Variants in PRKAG2 observed in about 807,000 individuals in gnomAD.
PRKAG2 encodes protein kinase AMP-activated non-catalytic subunit gamma 2.
PRKAG2 carries 26 observed loss-of-function variants against 69.6 expected under a neutral mutation model. The observed-to-expected ratio is 0.37, with a 90% CI of 0.27 to 0.52. The LOEUF (loss-of-function observed/expected upper bound fraction) is 0.52, where lower values mean the gene tolerates loss of function less well. Among genes scored for constraint, PRKAG2 ranks in the 20% least tolerant of loss-of-function variants. The probability of loss-of-function intolerance (pLI) is 0.90; values close to 1 mark genes in which losing one functional copy is unlikely to be tolerated. For synonymous variants in PRKAG2, 293 were observed against 285.0 expected (o/e 1.03, Z -0.28); for missense variants, 557 against 740.0 (o/e 0.75, Z 2.87).
chr7:151,572,633 T>C lies in PRKAG2; in HGVS notation c.1051+31A>G, dbSNP rs768693350. 2.0e-6 allele frequency: 3 copies of C among 1,537,114 alleles called. No homozygotes were observed. The South Asian group carries it at 3.4e-5, about 18-fold the overall frequency. ...ATACTAAACATAGCTTTCCCGATAC[T>C]AAAAGATTTTAAACATCCAATAGTG... On this transcript the variant is annotated intron_variant, in intron 9 of 15. Coordinates refer to ENST00000287878, the MANE Select transcript of PRKAG2 (RefSeq NM_016203.4).
intron 5 of PRKAG2, among the ~76,000 whole-genome samples, chr7:151,619,898 G>A (rs1401722776): frequency 6.6e-6 from 1 of 152,158 alleles, no homozygotes; most frequent in Non-Finnish European, 1.5e-5. Context: ...GCGCATGCCT[G>A]TAATCCCAGC....
Position 151,632,342 on chromosome 7 carries a change from T to C in PRKAG2, c.685-204A>G, listed in dbSNP as rs868349563. The C allele has an allele frequency of 1.7e-4, 109 of 627,482 alleles. No individual in the cohort carries two copies. Among genetic ancestry groups the C allele is most frequent in the Middle Eastern group, 7.8e-4 (1 of 1,274 alleles). The allele number at this position is 627,482 out of a possible 1,614,324, so 38.9% of individuals were successfully genotyped here. ...CCGAGGCCGCCGCCGCCGCCGCAGG[T>C]GGCGCGGCCGCGGCCCGCGTGCCCC... On this transcript the variant is annotated intron_variant, in intron 4 of 15. Coordinates refer to ENST00000287878, the MANE Select transcript of PRKAG2 (RefSeq NM_016203.4). The surrounding 1 kb of genome is among the most constrained non-coding windows in gnomAD (Gnocchi z 4.2).
At chr7:151,664,799 C>T (rs1008452859) in intron 4 of PRKAG2, among the ~76,000 whole-genome samples, 1 of 152,186 alleles carries the variant, frequency 6.6e-6, no homozygotes, top group African/African-American at 2.4e-5. Flanking sequence ...TCTACAACAC[C>T]AATATTTGAG....
intron 3 of PRKAG2, among the ~76,000 whole-genome samples, chr7:151,687,298 T>C (rs766778119): frequency 4.0e-5 from 6 of 150,588 alleles, no homozygotes; most frequent in African/African-American, 7.3e-5. Context: ...CAACAGCAGA[T>C]ATGCATCTTG....
rs1355667699 is a variant in PRKAG2, at chr7:151,780,894, G to A, written c.466+258C>T. Among the ~76,000 whole-genome samples the A allele has an allele frequency of 2.0e-5, 3 of 152,214 alleles. No individual in the cohort carries two copies. The highest frequency in any genetic ancestry group is 4.4e-5 in the Non-Finnish European group (3 of 68,044). On this transcript the variant is annotated intron_variant, in intron 3 of 15. Coordinates refer to ENST00000287878, the MANE Select transcript of PRKAG2 (RefSeq NM_016203.4). The surrounding 1 kb of genome is among the most constrained non-coding windows in gnomAD (Gnocchi z 4.2). Reference sequence around the variant, plus strand: ...TACTGTGAGTATCAGGATGTTTACAGTTAACCCAAGGACCTTGCTGGACCA... The same window carrying A: ...TACTGTGAGTATCAGGATGTTTACAATTAACCCAAGGACCTTGCTGGACCA...
At chr7:151,626,736 C>G (rs1330143850) in intron 5 of PRKAG2, among the ~76,000 whole-genome samples, 1 of 147,874 alleles carries the variant, frequency 6.8e-6, no homozygotes, top group African/African-American at 2.7e-5. Context: ...AGGCAATTCT[C>G]CCTTAAGCAA....
intron 3 of PRKAG2, among the ~76,000 whole-genome samples, chr7:151,685,908 C>G (rs553881484): frequency 6.6e-6 from 1 of 152,100 alleles, no homozygotes; most frequent in Non-Finnish European, 1.5e-5. Context: ...AAATAAGTGG[C>G]ATTTTTACTT....
intron 1 of PRKAG2, among the ~76,000 whole-genome samples, chr7:151,859,593 C>T (rs1004039602): frequency 3.1e-4 from 47 of 152,272 alleles, no homozygotes; most frequent in African/African-American, 1.1e-3. Flanking sequence ...AGTAATCTGG[C>T]GGCAGCTGCC....
At chr7:151,831,838 G>A (rs566641533) in intron 1 of PRKAG2, among the ~76,000 whole-genome samples, 1 of 152,248 alleles carries the variant, frequency 6.6e-6, no homozygotes, top group African/African-American at 2.4e-5. Flanking sequence ...CCGAGGCTGG[G>A]GCATCCTGGC....
At chr7:151,832,290 G>A (rs1445778302) in intron 1 of PRKAG2, among the ~76,000 whole-genome samples, 1 of 151,008 alleles carries the variant, frequency 6.6e-6, no homozygotes, top group Non-Finnish European at 1.5e-5. Flanking sequence ...GAAGGGAGGA[G>A]GGAGGGAATA....
intron 6 of PRKAG2, among the ~76,000 whole-genome samples, chr7:151,590,782 G>T (rs1812901378): frequency 6.6e-6 from 1 of 152,236 alleles, no homozygotes; most frequent in East Asian, 1.9e-4. Context: ...ATGGGAATAG[G>T]TGCTAGTAAC....
rs769793016 is a variant in PRKAG2 at position 151,570,154 on chromosome 7, A to G, written c.1106+17T>C. 1.0e-5 allele frequency: 16 copies of G among 1,595,390 alleles called. No individual in the cohort carries two copies. The highest frequency in any genetic ancestry group is 1.3e-5 in the Non-Finnish European group (15 of 1,169,422). On this transcript the variant is annotated intron_variant, in intron 10 of 15. Transcript: ENST00000287878. ...CATCTGAATGAATGTTTTCAAAGAA[A>G]AAAAAAACAAGTTTACCTTGCATCT...
chr7:151,637,994 G>A (rs937371132), intron 4 of PRKAG2, among the ~76,000 whole-genome samples: 13 of 152,258 alleles, frequency 8.5e-5, no homozygotes, highest in African/African-American at 3.1e-4. Flanking sequence ...CAAAGGGAAG[G>A]GGCGTGCACT....
At chr7:151,728,128 C>T (rs993251736) in intron 3 of PRKAG2, among the ~76,000 whole-genome samples, 1 of 152,140 alleles carries the variant, frequency 6.6e-6, no homozygotes, top group African/African-American at 2.4e-5. Flanking sequence ...GACTTGCACC[C>T]CAACCAGCAC....
At chr7:151,757,599 A>T (rs985579985) in intron 3 of PRKAG2, among the ~76,000 whole-genome samples, 3 of 152,218 alleles carry the variant, frequency 2.0e-5, no homozygotes, top group Non-Finnish European at 2.9e-5. Context: ...GACAGGGGGA[A>T]AATCTACCAT....
chr7:151,725,592 T>A lies in PRKAG2; in HGVS notation c.467-49955A>T, dbSNP rs1586087260. Among the ~76,000 whole-genome samples, 3 of 150,320 alleles carry A rather than the reference T, an allele frequency of 2.0e-5. No individual in the cohort carries two copies. The South Asian group carries it at 6.3e-4, about 32-fold the overall frequency. On this transcript the variant is annotated intron_variant, in intron 3 of 15. Transcript: ENST00000287878. Reference sequence around the variant, plus strand: ...AAAAAAAGAGCCAGGCTGGGTGTGGTGGCACTTTACCATTCCACAGAAGAG... The same window carrying A: ...AAAAAAAGAGCCAGGCTGGGTGTGGAGGCACTTTACCATTCCACAGAAGAG...
chr7:151,708,303 G>A (rs555388705), intron 3 of PRKAG2, among the ~76,000 whole-genome samples: 11 of 152,118 alleles, frequency 7.2e-5, no homozygotes, highest in Admixed American at 2.0e-4. Context: ...TAGTGAACTC[G>A]GGACTCTAAT....
rs753806205 is a variant in PRKAG2 at position 151,675,433 on chromosome 7, G to C, written c.671C>G (p.Ala224Gly). 2 of 1,614,058 alleles carry C rather than the reference G, an allele frequency of 1.2e-6. No homozygotes were observed. Among genetic ancestry groups the C allele is most frequent in the South Asian group, 2.2e-5 (2 of 91,070 alleles). ...GCCCAGACTTACGGCTTTGGAGGGAGCATAGTGTGTCGGTGATGCCAGTGG... is the reference window on the plus strand; with the variant it reads ...GCCCAGACTTACGGCTTTGGAGGGACCATAGTGTGTCGGTGATGCCAGTGG... ...RPPLASPTHY[A>G]PSKAAALAAA... is the part of the protein sequence containing the mutation. The change falls in exon 4 of 16, where the codon GCT becomes GGT. Residue 224 changes from alanine (A) to glycine (G), a missense_variant. By Grantham distance (60) the Ala-to-Gly change is moderately conservative. This residue lies in a region of PRKAG2 where 352 missense variants were observed against 356.7 expected (regional missense o/e 0.99). Coordinates refer to ENST00000287878, the MANE Select transcript of PRKAG2 (RefSeq NM_016203.4).
intron 1 of PRKAG2, among the ~76,000 whole-genome samples, chr7:151,867,365 A>T (rs561798066): frequency 2.2e-4 from 34 of 152,286 alleles, no homozygotes; most frequent in African/African-American, 7.7e-4. Context: ...TGTGAGAGCC[A>T]CACGCCCTCC....
Sources: gnomAD v4.1 joint callset for allele counts (sites outside exome capture counted in the v4.1 genomes callset) on GRCh38, gnomAD v4.1.1 for gene constraint, gnomAD v4.1.1 regional missense constraint, Gnocchi (gnomAD v3.1) non-coding constraint, MANE v1.5 for transcripts, NCBI Gene and HGNC (gene_info 2026-07-23, HGNC 2026-07-21) for gene names.